Variants in SNRPN observed in about 807,000 individuals in gnomAD.
The protein encoded by SNRPN is small nuclear ribonucleoprotein polypeptide N.
A neutral mutation model predicts 25.2 loss-of-function variants in SNRPN; 7 were observed. That is an observed-to-expected ratio of 0.28 (90% CI 0.16 to 0.52). The LOEUF is 0.52. SNRPN is among the 20% of genes least tolerant of loss of function. The pLI is 0.96. For missense variants in SNRPN, 196 were observed against 322.5 expected, an observed-to-expected ratio of 0.61 and a Z score of 3.00; for synonymous variants, 124 against 110.6, an observed-to-expected ratio of 1.12 and a Z score of -0.76.
At chr15:24,962,010 A>C (rs1046393538) in intron 1 of SNRPN, 104 bp from the exon 2 acceptor site, 27 of 1,010,440 alleles carry the variant, frequency 2.7e-5, no homozygotes, top group African/African-American at 1.9e-4. Context: ...AATTAGATTT[A>C]AAAATCCATT....
intron 1 of SNRPN, among the ~76,000 whole-genome samples, chr15:24,884,328 T>A (rs552610108): frequency 1.3e-5 from 2 of 152,154 alleles, no homozygotes; most frequent in Non-Finnish European, 2.9e-5. Flanking sequence ...AGCGAGACCC[T>A]GTCTCAAAAC....
chr15:24,895,052 T>C (rs967717130), intron 2 of SNRPN, among the ~76,000 whole-genome samples: 1 of 152,056 alleles, frequency 6.6e-6, no homozygotes, highest in African/African-American at 2.4e-5. Context: ...CATGGAGAAA[T>C]GTAATGGGAC....
At chr15:24,830,850 T>C (rs59507014) in intron 2 of SNRPN, among the ~76,000 whole-genome samples, 19,794 of 152,084 alleles carry the variant, frequency 0.13, 1,513 homozygotes, top group African/African-American at 0.19. Flanking sequence ...GAGAATGTGG[T>C]GCATCTCGAT....
chr15:24,864,678 T>G, intron 1 of SNRPN, among the ~76,000 whole-genome samples: 1 of 151,970 alleles, frequency 6.6e-6, no homozygotes, highest in East Asian at 1.9e-4. Context: ...TTGTTTTTAA[T>G]AGATACATTT....
At chr15:24,896,065 G>C (rs2058065475) in intron 2 of SNRPN, among the ~76,000 whole-genome samples, 1 of 152,212 alleles carries the variant, frequency 6.6e-6, no homozygotes, top group Admixed American at 6.5e-5. Context: ...AGAAGTTAAA[G>C]ATGCACAGAA....
intron 2 of SNRPN, among the ~76,000 whole-genome samples, chr15:24,964,465 T>A (rs766687309): frequency 6.6e-6 from 1 of 152,056 alleles, no homozygotes; most frequent in East Asian, 1.9e-4. Context: ...GCTAATTTTG[T>A]ATTTTTTTAG....
At chr15:24,933,355 C>A (rs950030788) in intron 3 of SNRPN, among the ~76,000 whole-genome samples, 3 of 149,346 alleles carry the variant, frequency 2.0e-5, no homozygotes, top group Non-Finnish European at 3.0e-5. Context: ...AAAAAAAAAA[C>A]AATCAGACAT....
In SNRPN at chr15:24,835,125, A is replaced by T. The variant is rs1424719251; in HGVS notation, c.-579+5220A>T. Among the ~76,000 whole-genome samples, 4 of 60,736 alleles carry T rather than the reference A, an allele frequency of 6.6e-5. 1 individual carries two copies. The highest frequency in any genetic ancestry group is 2.4e-4 in the Admixed American group (1 of 4,088). 39.8% of individuals were successfully genotyped at this position (60,736 alleles called of 152,430 possible). A position where few individuals can be genotyped will look rare whatever the true frequency, so the allele number is the denominator to read the frequency against. ...ATATATACTATATATCTATATATAAAATATATAGATATATATACTATATAT... is the reference window on the plus strand; with the variant it reads ...ATATATACTATATATCTATATATAATATATATAGATATATATACTATATAT... On this transcript the variant is annotated intron_variant, in intron 2 of 12. Transcript: ENST00000400100.
At chr15:24,878,679 C>G (rs955987464) in intron 1 of SNRPN, among the ~76,000 whole-genome samples, 38 of 152,170 alleles carry the variant, frequency 2.5e-4, no homozygotes, top group African/African-American at 8.9e-4. Flanking sequence ...TCTGTAACAG[C>G]CCCTCCTCTT....
At position 24,883,240 on chromosome 15, in the gene SNRPN, C is replaced by T. The variant is rs192648235; in HGVS notation, c.-578-3276C>T. 6.1e-4 allele frequency among the ~76,000 whole-genome samples: 93 copies of T among 152,320 alleles called. 1 individual carries two copies. Among genetic ancestry groups the T allele is most frequent in the South Asian group, 2.1e-3 (10 of 4,834 alleles). On this transcript the variant is annotated intron_variant, in intron 1 of 11. Transcript: ENST00000400097. ...CAGCCAAGTAAGCAGGGAGGCCAAG[C>T]GTATTCCTTGGATGGTCTGCGGTGG...
chr15:24,935,087 C>T (rs1381364341), intron 3 of SNRPN, among the ~76,000 whole-genome samples: 1 of 152,066 alleles, frequency 6.6e-6, no homozygotes, highest in Non-Finnish European at 1.5e-5. Context: ...GCCTGGGCAA[C>T]ACAGTCAAAC....
intron 3 of SNRPN, among the ~76,000 whole-genome samples, chr15:24,930,048 G>A (rs149332402): frequency 8.0e-4 from 121 of 152,156 alleles, no homozygotes; most frequent in African/African-American, 2.0e-3. Context: ...TTCTCTGGGC[G>A]TGGTGGCAGG....
chr15:24,914,306 C>T (rs2059394461), intron 2 of SNRPN, among the ~76,000 whole-genome samples: 2 of 152,064 alleles, frequency 1.3e-5, no homozygotes, highest in African/African-American at 4.8e-5. Flanking sequence ...TAATTTTCAC[C>T]CTACAAAGAG....
In SNRPN at chr15:24,827,222, A is replaced by G. The variant is rs149048722; in HGVS notation, c.-686-2576A>G. ...TTGTACACTACTGTAGATTTAAGAA[A>G]CACTGTATGCAGCCGGGCGCGGTGG... On this transcript the variant is annotated intron_variant, in intron 1 of 12. Transcript: ENST00000400100. Among the ~76,000 whole-genome samples, 340 of 152,082 alleles carry G rather than the reference A, an allele frequency of 2.2e-3. 12 individuals carry two copies. The highest frequency in any genetic ancestry group is 7.6e-3 in the African/African-American group (313 of 41,422).
At chr15:24,939,667 G>A (rs890886003) in intron 3 of SNRPN, among the ~76,000 whole-genome samples, 9 of 151,564 alleles carry the variant, frequency 5.9e-5, no homozygotes, top group Non-Finnish European at 1.5e-5. Context: ...TCCTGACTTC[G>A]AATGATCCAC....
chr15:24,849,285 C>G (rs1566822797), intron 2 of SNRPN: 3 of 152,238 alleles, frequency 2.0e-5, no homozygotes, highest in Admixed American at 6.5e-5. Context: ...ATCCTTACTT[C>G]CCTTATTCCA....
intron 3 of SNRPN, among the ~76,000 whole-genome samples, chr15:24,970,511 A>G (rs1022831098): frequency 9.2e-5 from 14 of 152,146 alleles, no homozygotes; most frequent in Admixed American, 6.5e-4. Flanking sequence ...CCCTAGGGGC[A>G]GAGGTTGCAT....
intron 1 of SNRPN, among the ~76,000 whole-genome samples, chr15:24,826,777 A>C (rs1212122928): frequency 1.3e-5 from 2 of 152,132 alleles, no homozygotes; most frequent in Non-Finnish European, 2.9e-5. Flanking sequence ...GATCTAAAAG[A>C]AAGGTAATAT....
chr15:24,901,573 A>G (rs1566889923), intron 2 of SNRPN, among the ~76,000 whole-genome samples: 1 of 152,332 alleles, frequency 6.6e-6, no homozygotes, highest in African/African-American at 2.4e-5. Flanking sequence ...AATATGCTCA[A>G]TTGGTGACAA....
Sources: gnomAD v4.1 joint callset for allele counts (sites outside exome capture counted in the v4.1 genomes callset) on GRCh38, gnomAD v4.1.1 for gene constraint, MANE v1.5 for transcripts, NCBI Gene and HGNC (gene_info 2026-07-23, HGNC 2026-07-21) for gene names.